The following NPBWR2 variants were observed in gnomAD, a reference collection of about 807,000 sequenced individuals.
NPBWR2 encodes neuropeptides B and W receptor 2.
For missense variants in NPBWR2, 390 were observed against 458.2 expected (o/e 0.85, Z 1.36); for synonymous variants, 207 against 223.5 (o/e 0.93, Z 0.66).
Position 64,105,215 on chromosome 20 carries a change from G to A in NPBWR2, c.*615C>T, listed in dbSNP as rs1261556603. ...CAGGTTCCCTCCCCTCCCGACCACT[G>A]TCATTAGGGATCCTGAGTCCCAGAG... is the stretch of plus-strand genomic sequence containing the variant. On this transcript the variant is annotated 3_prime_UTR_variant, in exon 2 of 2. Coordinates refer to ENST00000684052, the MANE Select transcript of NPBWR2 (RefSeq NM_005286.4). Among the ~76,000 whole-genome samples, 1 of 151,816 alleles carries A rather than the reference G, an allele frequency of 6.6e-6. No homozygotes were observed. The highest frequency in any genetic ancestry group is 2.4e-5 in the African/African-American group (1 of 41,316).
Position 64,105,906 on chromosome 20 carries a change from G to A in NPBWR2, c.926C>T (p.Ser309Leu), listed in dbSNP as rs190006601. 7.2e-5 allele frequency: 115 copies of A among 1,601,970 alleles called. No individual in the cohort carries two copies. Among genetic ancestry groups the A allele is most frequent in the Admixed American group, 2.4e-4 (14 of 59,418 alleles). The stretch of plus-strand genomic sequence containing the variant: ...GGCGTAGAGGAAGGGGTTCAGGCAC[G>A]AGTTGGCGTAGCTGAGGCTGGTGAT... Reference protein sequence around the residue: ...YVITSLSYANSCLNPFLYAFL... With the variant: ...YVITSLSYANLCLNPFLYAFL... Residue 309 changes from serine to leucine, a missense_variant, in exon 2 of 2, where the codon TCG becomes TTG. By Grantham distance (145) the Ser-to-Leu change is moderately radical. Coordinates refer to ENST00000684052, the MANE Select transcript of NPBWR2 (RefSeq NM_005286.4).
At position 64,105,593 on chromosome 20, in the gene NPBWR2, GAT is replaced by G. The variant is rs1979949868; in HGVS notation, c.*235_*236del. Reference sequence around the variant, plus strand: ...TGGGGGTGGGGGTGGGGGTGGGGGTGATGGTGGGCGTGATGGTGGGGGTGGGG... The same window carrying G: ...TGGGGGTGGGGGTGGGGGTGGGGGTGGGTGGGCGTGATGGTGGGGGTGGGG... On this transcript the variant is annotated 3_prime_UTR_variant, in exon 2 of 2. Transcript: ENST00000684052. Among the ~76,000 whole-genome samples the G allele has an allele frequency of 1.9e-4, 1 of 5,306 alleles. No homozygotes were observed. The highest frequency in any genetic ancestry group is 7.5e-4 in the African/African-American group (1 of 1,328). 3.5% of individuals were successfully genotyped at this position (5,306 alleles called of 152,430 possible).
chr20:64,106,716 T>G lies in NPBWR2; in HGVS notation c.116A>C (p.Glu39Ala), dbSNP rs1386362054. The change falls in exon 2 of 2, where the codon GAG (glutamate) becomes GCG (alanine). Residue 39 changes from glutamate to alanine, a missense_variant. By Grantham distance (107) the Glu-to-Ala change is moderately radical (BLOSUM62 -1). Transcript: ENST00000684052. The surrounding 1 kb of genome is among the most constrained non-coding windows in gnomAD (Gnocchi z 9.5). ...NGTGHNATFS[E>A]PLPFLYVLLP... ...GAGCACATAGAGGAACGGCAGTGGC[T>G]CGGAGAAGGTGGCATTGTGGCCAGT... 6.2e-7 allele frequency: 1 copy of G among 1,612,696 alleles called. No homozygotes were observed. Among genetic ancestry groups the G allele is most frequent in the East Asian group, 2.2e-5 (1 of 44,886 alleles).
Position 64,106,589 on chromosome 20 carries a change from GTTGGTCACCGTCTTCATC to G in NPBWR2, c.225_242del (p.Lys75_Thr80del). On this transcript the variant is annotated inframe_deletion, in exon 2 of 2. Coordinates refer to ENST00000684052, the MANE Select transcript of NPBWR2 (RefSeq NM_005286.4). This position sits in a 1 kb window ranked among gnomAD's most constrained non-coding sequence, Gnocchi z 9.5. ...CGACGGCCAGGTTCAGGATGAACACGTTGGTCACCGTCTTCATCTTGGGCGCCCTTAGGATTACAAGGA... is the reference window on the plus strand; with the variant it reads ...CGACGGCCAGGTTCAGGATGAACACGTTGGGCGCCCTTAGGATTACAAGGA... The G allele has an allele frequency of 1.9e-6, 3 of 1,611,756 alleles. No individual in the cohort carries two copies. The highest frequency in any genetic ancestry group is 2.5e-6 in the Non-Finnish European group (3 of 1,179,958).
rs1031488861 is a variant in NPBWR2 at position 64,105,226 on chromosome 20, T to C, written c.*604A>G. Among the ~76,000 whole-genome samples the C allele has an allele frequency of 6.6e-6, 1 of 151,714 alleles. No individual in the cohort carries two copies. The highest frequency in any genetic ancestry group is 2.4e-5 in the African/African-American group (1 of 41,276). The stretch of plus-strand genomic sequence containing the variant: ...CCCTCCCGACCACTGTCATTAGGGA[T>C]CCTGAGTCCCAGAGCCTTCCAAGGG... On this transcript the variant is annotated 3_prime_UTR_variant, in exon 2 of 2. Coordinates refer to ENST00000684052, the MANE Select transcript of NPBWR2 (RefSeq NM_005286.4).
Position 64,106,886 on chromosome 20 carries a change from G to C in NPBWR2, c.-55C>G. The C allele has an allele frequency of 6.4e-7, 1 of 1,572,420 alleles. No individual in the cohort carries two copies. The highest frequency in any genetic ancestry group is 1.2e-5 in the South Asian group (1 of 86,942). On this transcript the variant is annotated 5_prime_UTR_variant, in exon 2 of 2. Transcript: ENST00000684052. This position sits in a 1 kb window ranked among gnomAD's most constrained non-coding sequence, Gnocchi z 9.5. ...CTGGGCAGGTGGGAGGTGCCTTGGA[G>C]TTGGGTATCTGGTTGGGGGCCTCCT... is the stretch of plus-strand genomic sequence containing the variant.
chr20:64,106,740 G>T lies in NPBWR2; in HGVS notation c.92C>A (p.Thr31Asn). ...CTCGGAGAAGGTGGCATTGTGGCCA[G>T]TGCCATTGTCCTGAGAGACGTTGGC... ...MGANVSQDNGTGHNATFSEPL... is the reference protein window; with the variant it reads ...MGANVSQDNGNGHNATFSEPL... Residue 31 changes from threonine to asparagine, a missense_variant, in exon 2 of 2, where the codon ACT (threonine) becomes AAT (asparagine). By Grantham distance (65) the Thr-to-Asn change is moderately conservative. Coordinates refer to ENST00000684052, the MANE Select transcript of NPBWR2 (RefSeq NM_005286.4). The surrounding 1 kb of genome is among the most constrained non-coding windows in gnomAD (Gnocchi z 9.5). The T allele has an allele frequency of 6.2e-7, 1 of 1,612,732 alleles. No homozygotes were observed. The highest frequency in any genetic ancestry group is 8.5e-7 in the Non-Finnish European group (1 of 1,180,024).
Position 64,106,602 on chromosome 20 carries a change from T to G in NPBWR2, c.230A>C (p.Lys77Thr), listed in dbSNP as rs751054492. The G allele has an allele frequency of 1.9e-5, 31 of 1,611,962 alleles. No homozygotes were observed. The highest frequency in any genetic ancestry group is 2.5e-5 in the Non-Finnish European group (29 of 1,179,958). Residue 77 changes from lysine (K) to threonine (T), a missense_variant, in exon 2 of 2, where the codon AAG (lysine) becomes ACG (threonine). Lys to Thr is a moderately conservative substitution (Grantham distance 78, BLOSUM62 -1). Coordinates refer to ENST00000684052, the MANE Select transcript of NPBWR2 (RefSeq NM_005286.4). This position sits in a 1 kb window ranked among gnomAD's most constrained non-coding sequence, Gnocchi z 9.5. ...ILVILRAPKM[K>T]TVTNVFILNL... Reference sequence around the variant, plus strand: ...CAGGATGAACACGTTGGTCACCGTCTTCATCTTGGGCGCCCTTAGGATTAC... The same window carrying G: ...CAGGATGAACACGTTGGTCACCGTCGTCATCTTGGGCGCCCTTAGGATTAC...
Position 64,106,376 on chromosome 20 carries a change from G to T in NPBWR2, c.456C>A (p.Ser152=). Reference sequence around the variant, plus strand: ...GGTAGGTGCGCCAGGGCATGTGGCGGGACCTCACGGTGGCCAGCACCACCA... The same window carrying T: ...GGTAGGTGCGCCAGGGCATGTGGCGTGACCTCACGGTGGCCAGCACCACCA... The part of the protein sequence containing the change: ...RYLVVLATVR[S]RHMPWRTYRG... Residue 152 remains serine (S), a synonymous_variant, in exon 2 of 2, where the codon TCC becomes TCA. Transcript: ENST00000684052. This position sits in a 1 kb window ranked among gnomAD's most constrained non-coding sequence, Gnocchi z 9.5. 1.2e-6 allele frequency: 2 copies of T among 1,612,654 alleles called. No homozygotes were observed. The highest frequency in any genetic ancestry group is 3.3e-5 in the Admixed American group (2 of 59,994).
rs113735608 is a variant in NPBWR2, at chr20:64,104,514, A to C, written c.*1316T>G. On this transcript the variant is annotated 3_prime_UTR_variant, in exon 2 of 2. Transcript: ENST00000684052. ...GGGTACAGGGGAGCACAGGCCATGG[A>C]GAGGACCGTCAGACACAGCAGGGGG... Among the ~76,000 whole-genome samples, 9,569 of 127,530 alleles carry C rather than the reference A, an allele frequency of 0.075. 225 individuals carry two copies. The highest frequency in any genetic ancestry group is 0.1 in the Non-Finnish European group (5,969 of 58,004). The allele number at this position is 127,530 out of a possible 152,430, so 83.7% of individuals were successfully genotyped here. A position where few individuals can be genotyped will look rare whatever the true frequency, so the allele number is the denominator to read the frequency against.
rs1410789342 is a variant in NPBWR2, at chr20:64,105,703, T to G, written c.*127A>C. The G allele has an allele frequency of 4.3e-5, 15 of 347,628 alleles. No individual in the cohort carries two copies. Among genetic ancestry groups the G allele is most frequent in the African/African-American group, 8.3e-5 (1 of 12,006 alleles). 21.5% of individuals were successfully genotyped at this position (347,628 alleles called of 1,614,324 possible). A position where few individuals can be genotyped will look rare whatever the true frequency, so the allele number is the denominator to read the frequency against. On this transcript the variant is annotated 3_prime_UTR_variant, in exon 2 of 2. Transcript: ENST00000684052. ...ATGATGGGGGTGGTGGTGGGGGTGA[T>G]GGTGGGGGTGGTGGTGGGGGTGGGG...
rs1308969288 is a variant in NPBWR2, at chr20:64,106,355, G to T, written c.477C>A (p.Thr159=). Residue 159 remains threonine, a synonymous_variant, in exon 2 of 2, where the codon ACC becomes ACA. Transcript: ENST00000684052. This position sits in a 1 kb window ranked among gnomAD's most constrained non-coding sequence, Gnocchi z 9.5. The part of the protein sequence containing the change: ...TVRSRHMPWR[T]YRGAKVASLC... ...GGCTGGCGACCTTCGCCCCCCGGTA[G>T]GTGCGCCAGGGCATGTGGCGGGACC... is the stretch of plus-strand genomic sequence containing the variant. 3 of 1,612,776 alleles carry T rather than the reference G, an allele frequency of 1.9e-6. No individual in the cohort carries two copies. The South Asian group carries it at 3.3e-5, about 18-fold the overall frequency.
At position 64,106,193 on chromosome 20, in the gene NPBWR2, A is replaced by G; in HGVS notation, c.639T>C (p.Arg213=). ...CGAAGCCCAGGACCAACGTGTAGAC[A>G]CGGCTGGCCTTGAACCAGACCTGCT... ...WPEQVWFKAS[R]VYTLVLGFVL... is the part of the protein sequence containing the mutation. Residue 213 remains arginine (R), a synonymous_variant, in exon 2 of 2, where the codon CGT becomes CGC. Coordinates refer to ENST00000684052, the MANE Select transcript of NPBWR2 (RefSeq NM_005286.4). This position sits in a 1 kb window ranked among gnomAD's most constrained non-coding sequence, Gnocchi z 9.5. 1.9e-6 allele frequency: 3 copies of G among 1,612,580 alleles called. No homozygotes were observed. Among genetic ancestry groups the G allele is most frequent in the East Asian group, 2.2e-5 (1 of 44,868 alleles).
In NPBWR2 at chr20:64,104,922, G is replaced by GCACAGGGGA. The variant is rs1979910986; in HGVS notation, c.*907_*908insTCCCCTGTG. Reference sequence around the variant, plus strand: ...GAGGACTGTCGGACACAGCAGGGCGGGTACAGGCCATGGCAAGGACCGTCG... The same window carrying GCACAGGGGA: ...GAGGACTGTCGGACACAGCAGGGCGGCACAGGGGAGTACAGGCCATGGCAAGGACCGTCG... On this transcript the variant is annotated 3_prime_UTR_variant, in exon 2 of 2. Transcript: ENST00000684052. 7.0e-6 allele frequency among the ~76,000 whole-genome samples: 1 copy of GCACAGGGGA among 142,758 alleles called. No homozygotes were observed. Among genetic ancestry groups the GCACAGGGGA allele is most frequent in the African/African-American group, 2.6e-5 (1 of 38,716 alleles). 93.7% of individuals were successfully genotyped at this position (142,758 alleles called of 152,430 possible). A position where few individuals can be genotyped will look rare whatever the true frequency, so the allele number is the denominator to read the frequency against.
Position 64,107,378 on chromosome 20 carries a change from G to A in NPBWR2, c.-106C>T, listed in dbSNP as rs1367027394. 6.6e-6 allele frequency among the ~76,000 whole-genome samples: 1 copy of A among 152,198 alleles called. No homozygotes were observed. Among genetic ancestry groups the A allele is most frequent in the East Asian group, 1.9e-4 (1 of 5,198 alleles). ...TCTCCACTGACCTGTCCAGTGCTTCGAGTCCAGAAGTTGGTAGCCTTGGTG... is the reference window on the plus strand; with the variant it reads ...TCTCCACTGACCTGTCCAGTGCTTCAAGTCCAGAAGTTGGTAGCCTTGGTG... On this transcript the variant is annotated 5_prime_UTR_variant, in exon 1 of 2. Coordinates refer to ENST00000684052, the MANE Select transcript of NPBWR2 (RefSeq NM_005286.4). The surrounding 1 kb of genome is among the most constrained non-coding windows in gnomAD (Gnocchi z 6.3).
chr20:64,106,440 C>T lies in NPBWR2; in HGVS notation c.392G>A (p.Ser131Asn), dbSNP rs1980045172. ...LAVDHYNIFS[S>N]IYFLAVMSVD... is the part of the protein sequence containing the mutation. ...GCTCATCACGGCTAGGAAGTAGATG[C>T]TGGAGAAGATGTTGTAGTGGTCGAC... Residue 131 changes from serine (S) to asparagine (N), a missense_variant, in exon 2 of 2, where the codon AGC becomes AAC. Coordinates refer to ENST00000684052, the MANE Select transcript of NPBWR2 (RefSeq NM_005286.4). The surrounding 1 kb of genome is among the most constrained non-coding windows in gnomAD (Gnocchi z 9.5). The T allele has an allele frequency of 1.9e-6, 3 of 1,612,780 alleles. No individual in the cohort carries two copies. Among genetic ancestry groups the T allele is most frequent in the Non-Finnish European group, 2.5e-6 (3 of 1,180,008 alleles).
rs1979988265 is a variant in NPBWR2, at chr20:64,105,728, G to GAT, written c.*101_*102insAT. ...TGGTGGGGGTGGTGGTGGGGGTGGG[G>GAT]GGGGGTGGGCCTGATGGGGGTGTGG... On this transcript the variant is annotated 3_prime_UTR_variant, in exon 2 of 2. Coordinates refer to ENST00000684052, the MANE Select transcript of NPBWR2 (RefSeq NM_005286.4). 10 of 720,340 alleles carry GAT rather than the reference G, an allele frequency of 1.4e-5. No homozygotes were observed. In the Admixed American group the frequency reaches 3.0e-4, roughly 22 times the overall value. The allele number at this position is 720,340 out of a possible 1,614,324, so 44.6% of individuals were successfully genotyped here. A position where few individuals can be genotyped will look rare whatever the true frequency, so the allele number is the denominator to read the frequency against.
At position 64,104,893 on chromosome 20, in the gene NPBWR2, T is replaced by C. The variant is rs900249574; in HGVS notation, c.*937A>G. Among the ~76,000 whole-genome samples the C allele has an allele frequency of 7.1e-6, 1 of 140,016 alleles. No individual in the cohort carries two copies. The highest frequency in any genetic ancestry group is 1.6e-5 in the Non-Finnish European group (1 of 64,446). 91.9% of individuals were successfully genotyped at this position (140,016 alleles called of 152,430 possible). A position where few individuals can be genotyped will look rare whatever the true frequency, so the allele number is the denominator to read the frequency against. ...GGGGGGCACAGGGGAGCACAGGCCA[T>C]GGAGAGGACTGTCGGACACAGCAGG... On this transcript the variant is annotated 3_prime_UTR_variant, in exon 2 of 2. Transcript: ENST00000684052.
Position 64,107,278 on chromosome 20 carries a change from G to T in NPBWR2, c.-92+86C>A. 1 of 220,248 alleles carries T rather than the reference G, an allele frequency of 4.5e-6. No homozygotes were observed. Among genetic ancestry groups the T allele is most frequent in the African/African-American group, 2.2e-5 (1 of 44,716 alleles). The allele number at this position is 220,248 out of a possible 1,614,324, so 13.6% of individuals were successfully genotyped here. Reference sequence around the variant, plus strand: ...CTTGAATCTGAAGGTCCTTCCCTCAGGGGTCTTGGAGTCTGCACCCTCCCT... The same window carrying T: ...CTTGAATCTGAAGGTCCTTCCCTCATGGGTCTTGGAGTCTGCACCCTCCCT... On this transcript the variant is annotated intron_variant, in intron 1 of 1. Coordinates refer to ENST00000684052, the MANE Select transcript of NPBWR2 (RefSeq NM_005286.4). This position sits in a 1 kb window ranked among gnomAD's most constrained non-coding sequence, Gnocchi z 6.3.
Sources: allele counts gnomAD v4.1 joint callset (sites outside exome capture counted in the v4.1 genomes callset), GRCh38; gene constraint gnomAD v4.1.1; non-coding constraint Gnocchi (gnomAD v3.1); transcripts MANE v1.5; gene names NCBI Gene and HGNC (gene_info 2026-07-23, HGNC 2026-07-21).